ZNF438: variants seen among roughly 807,000 people sequenced by gnomAD.
The protein encoded by ZNF438 is zinc finger protein 438.
In ZNF438, 25 loss-of-function variants were observed where a neutral mutation model predicts 38.0. The observed-to-expected ratio is 0.66, with a 90% CI of 0.48 to 0.92. The LOEUF is 0.92. Ranked by LOEUF, ZNF438 falls within the 40% of genes least tolerant of loss-of-function variation. ZNF438 has a pLI of 0.00. For synonymous variants in ZNF438, 372 were observed against 364.1 expected (o/e 1.02, Z -0.25); for missense variants, 1,007 against 999.6 (o/e 1.01, Z -0.10).
rs180734351 is a variant in ZNF438 at position 30,953,414 on chromosome 10, A to T, written c.-191-11763T>A. ...ACTTAAAGTATAATAAAAAAAATTT[A>T]AAAAATTAAAAAAAAAAGTAAAAGA... On this transcript the variant is annotated intron_variant, in intron 1 of 5. Transcript: ENST00000413025. 1.9e-3 allele frequency among the ~76,000 whole-genome samples: 289 copies of T among 151,920 alleles called. 1 individual carries two copies. The highest frequency in any genetic ancestry group is 6.5e-3 in the African/African-American group (269 of 41,536).
At chr10:30,934,520 T>G (rs2046030337) in intron 2 of ZNF438, among the ~76,000 whole-genome samples, 1 of 152,256 alleles carries the variant, frequency 6.6e-6, no homozygotes, top group Non-Finnish European at 1.5e-5. Context: ...TAAGTTGATA[T>G]TAATAGCTCA....
intron 2 of ZNF438, among the ~76,000 whole-genome samples, chr10:30,931,252 C>T (rs775577864): frequency 2.6e-5 from 4 of 152,200 alleles, no homozygotes; most frequent in Non-Finnish European, 5.9e-5. Flanking sequence ...TGAAAAATGA[C>T]AAATAATGAA....
chr10:30,947,946 C>G (rs1324358623), intron 1 of ZNF438, among the ~76,000 whole-genome samples: 1 of 152,238 alleles, frequency 6.6e-6, no homozygotes, highest in Non-Finnish European at 1.5e-5. Flanking sequence ...CCCAGTACCT[C>G]AGATGGAAAT....
intron 1 of ZNF438, among the ~76,000 whole-genome samples, chr10:30,986,093 G>C (rs2052751826): frequency 6.6e-6 from 1 of 152,140 alleles, no homozygotes; most frequent in Admixed American, 6.5e-5. Flanking sequence ...ATACCAAATA[G>C]CCTACGTGTA....
intron 1 of ZNF438, among the ~76,000 whole-genome samples, chr10:30,996,560 C>G (rs1031308297): frequency 6.6e-6 from 1 of 151,738 alleles, no homozygotes; most frequent in Non-Finnish European, 1.5e-5. Context: ...ATGCACTTAA[C>G]AAGAGAAGGA....
At chr10:30,933,286 A>G (rs954771130) in intron 2 of ZNF438, among the ~76,000 whole-genome samples, 1 of 152,198 alleles carries the variant, frequency 6.6e-6, no homozygotes. Flanking sequence ...CTCCCATCTA[A>G]TAGAGGCAGC....
At chr10:30,991,550 C>T (rs886174440) in intron 1 of ZNF438, among the ~76,000 whole-genome samples, 1 of 152,172 alleles carries the variant, frequency 6.6e-6, no homozygotes, top group African/African-American at 2.4e-5. Flanking sequence ...GTCACTATTC[C>T]TGCCCCCAGT....
intron 1 of ZNF438, among the ~76,000 whole-genome samples, chr10:30,956,389 A>G (rs2048866096): frequency 6.6e-6 from 1 of 152,216 alleles, no homozygotes; most frequent in South Asian, 2.1e-4. Context: ...TATGGAATAC[A>G]GTGTGGTATT....
intron 2 of ZNF438, among the ~76,000 whole-genome samples, chr10:30,930,898 G>T (rs1161427184): frequency 6.9e-6 from 1 of 145,028 alleles, no homozygotes; most frequent in East Asian, 2.1e-4. Context: ...CATTTTTAAT[G>T]GTTTGAAGTC....
chr10:30,995,829 A>C (rs1368517590), intron 1 of ZNF438, among the ~76,000 whole-genome samples: 1 of 152,196 alleles, frequency 6.6e-6, no homozygotes, highest in Non-Finnish European at 1.5e-5. Flanking sequence ...AGAAAATAAA[A>C]AATAGAGAGG....
At chr10:30,931,127 T>G (rs1217055723) in intron 2 of ZNF438, among the ~76,000 whole-genome samples, 1 of 152,148 alleles carries the variant, frequency 6.6e-6, no homozygotes, top group Non-Finnish European at 1.5e-5. Flanking sequence ...CCACATCTTC[T>G]CTGAGGCAGG....
intron 2 of ZNF438, among the ~76,000 whole-genome samples, chr10:30,915,319 T>C (rs947172622): frequency 6.6e-6 from 1 of 152,078 alleles, no homozygotes; most frequent in Non-Finnish European, 1.5e-5. Context: ...CGAGTAGCTT[T>C]TCTTACAAGA....
At chr10:31,006,249 G>T (rs1370462752) in intron 1 of ZNF438, among the ~76,000 whole-genome samples, 5 of 152,182 alleles carry the variant, frequency 3.3e-5, no homozygotes, top group African/African-American at 9.6e-5. Flanking sequence ...TGATTAGAGG[G>T]TTGGGACGTT....
At chr10:30,855,251 G>A (rs190261797) in intron 4 of ZNF438, among the ~76,000 whole-genome samples, 1 of 152,326 alleles carries the variant, frequency 6.6e-6, no homozygotes, top group Admixed American at 6.5e-5. Context: ...CGATCAGTGT[G>A]AGCAGTGTGG....
At chr10:30,984,311 T>A (rs1337550834) in intron 1 of ZNF438, 58 bp downstream of exon 2, 2 of 152,172 alleles carry the variant, frequency 1.3e-5, no homozygotes, top group African/African-American at 4.8e-5. Context: ...CAGGAACCTA[T>A]GAGATCAAAT....
At chr10:30,984,731 A>G (rs2052583643) in intron 1 of ZNF438, among the ~76,000 whole-genome samples, 1 of 152,250 alleles carries the variant, frequency 6.6e-6, no homozygotes, top group Non-Finnish European at 1.5e-5. Flanking sequence ...CATGTGCATA[A>G]TACTGTGGAA....
At chr10:31,029,559 A>G (rs1025894780) in intron 1 of ZNF438, among the ~76,000 whole-genome samples, 11 of 152,038 alleles carry the variant, frequency 7.2e-5, no homozygotes, top group African/African-American at 2.7e-4. Context: ...CATCATCTCC[A>G]CAACTAACCT....
At chr10:30,956,376 A>G (rs1020930442) in intron 1 of ZNF438, among the ~76,000 whole-genome samples, 2 of 152,206 alleles carry the variant, frequency 1.3e-5, no homozygotes, top group Non-Finnish European at 2.9e-5. Context: ...AATTGTATAT[A>G]TTTATGGAAT....
chr10:30,938,120 C>T (rs1409884204), intron 2 of ZNF438, among the ~76,000 whole-genome samples: 1 of 152,110 alleles, frequency 6.6e-6, no homozygotes, highest in East Asian at 1.9e-4. Flanking sequence ...TATCTACTGC[C>T]AGGGTTGAAC....
Sources: allele counts gnomAD v4.1 joint callset (sites outside exome capture counted in the v4.1 genomes callset), GRCh38; gene constraint gnomAD v4.1.1; transcripts MANE v1.5; gene names NCBI Gene and HGNC (gene_info 2026-07-23, HGNC 2026-07-21).